The following SPHKAP variants were observed in gnomAD, a reference collection of about 807,000 sequenced individuals.
SPHKAP encodes the protein SPHK1 interactor, AKAP domain containing, also known as A-kinase anchor protein SPHKAP.
Under a neutral mutation model 137.5 loss-of-function variants are expected in SPHKAP, and 67 were observed. The ratio of observed to expected loss-of-function variants is 0.49; its 90% CI spans 0.40 to 0.60. SPHKAP has a LOEUF of 0.60. SPHKAP is among the 20% of genes least tolerant of loss of function. The pLI is 0.00. For missense variants in SPHKAP, 2,097 were observed against 2,069.3 expected (o/e 1.01, Z -0.26); for synonymous variants, 813 against 785.3 (o/e 1.04, Z -0.59).
chr2:228,154,508 CTCTCTA>C (rs1177832031), intron 1 of SPHKAP, among the ~76,000 whole-genome samples: 51 of 34,574 alleles, frequency 1.5e-3, no homozygotes, highest in African/African-American at 4.9e-3. Context: ...CTCTCTCTCT[CTCTCTA>C]TATATATATA....
intron 3 of SPHKAP, among the ~76,000 whole-genome samples, chr2:228,063,473 T>A (rs7603953): frequency 0.36 from 54,343 of 152,094 alleles, 9,977 homozygotes; most frequent in South Asian, 0.5. Context: ...ACTAACAAAC[T>A]ATAGAGTGGC....
At chr2:228,047,482 A>C (rs1048428191) in intron 3 of SPHKAP, among the ~76,000 whole-genome samples, 2 of 151,748 alleles carry the variant, frequency 1.3e-5, no homozygotes, top group Admixed American at 1.3e-4. Context: ...AAAAAAAAAA[A>C]CAAAAAACAA....
chr2:228,082,956 C>T (rs947514904), intron 3 of SPHKAP, among the ~76,000 whole-genome samples: 1 of 152,078 alleles, frequency 6.6e-6, no homozygotes, highest in African/African-American at 2.4e-5. Flanking sequence ...AGTGCACCAC[C>T]CTCCACCTCT....
intron 7 of SPHKAP, among the ~76,000 whole-genome samples, chr2:228,002,532 A>G (rs1460540254): frequency 1.3e-5 from 2 of 152,018 alleles, no homozygotes; most frequent in Non-Finnish European, 2.9e-5. Context: ...GTTCACTCTG[A>G]TGGTAGTTTC....
chr2:227,997,624 C>T (rs1223549619), intron 7 of SPHKAP, among the ~76,000 whole-genome samples: 2 of 152,122 alleles, frequency 1.3e-5, no homozygotes, highest in Admixed American at 6.5e-5. Flanking sequence ...CTTTGCTTCT[C>T]ACTACCCCTC....
chr2:228,021,603 CTG>C (rs1471951174), intron 6 of SPHKAP, 106 bp downstream of exon 6: 4 of 1,312,162 alleles, frequency 3.0e-6, no homozygotes, highest in East Asian at 2.3e-5. Flanking sequence ...CAAGTAAAGA[CTG>C]TGATGTGTCA....
chr2:228,037,964 G>A (rs1167686021), intron 3 of SPHKAP, among the ~76,000 whole-genome samples: 1 of 152,188 alleles, frequency 6.6e-6, no homozygotes, highest in East Asian at 1.9e-4. Flanking sequence ...AACCACTAAT[G>A]CTGAAGTCCA....
At chr2:228,179,451 TAG>T (rs1481756619) in intron 1 of SPHKAP, among the ~76,000 whole-genome samples, 2 of 152,208 alleles carry the variant, frequency 1.3e-5, no homozygotes, top group African/African-American at 4.8e-5. Flanking sequence ...TTAAGTCTTA[TAG>T]AAAAGGAATG....
Position 228,128,476 on chromosome 2 carries a change from A to G in SPHKAP, c.138+3504T>C, listed in dbSNP as rs138036050. ...ATTGAACCCTTCAGTCATTCATGAG[A>G]GTTGGAATCAACTTTCAAACTCATG... On this transcript the variant is annotated intron_variant, in intron 2 of 11. Coordinates refer to ENST00000392056, the MANE Select transcript of SPHKAP (RefSeq NM_001142644.2). 1.9e-3 allele frequency among the ~76,000 whole-genome samples: 296 copies of G among 152,198 alleles called. 2 individuals are homozygous for G. Among genetic ancestry groups the G allele is most frequent in the African/African-American group, 6.9e-3 (286 of 41,542 alleles).
Position 228,025,410 on chromosome 2 carries a change from T to A in SPHKAP, c.425A>T (p.Asp142Val). Residue 142 changes from aspartate to valine, a missense_variant, in exon 5 of 12, where the codon GAT becomes GTT. Transcript: ENST00000392056. The stretch of plus-strand genomic sequence containing the variant: ...ATGTCTTACCTGTGAAACTTCAAAA[T>A]CTGCCTGGAGATTTCCAGAGGCTAA... ...SGLASGNLQADFEVSQCPWLP... is the reference protein window; with the variant it reads ...SGLASGNLQAVFEVSQCPWLP... The A allele has an allele frequency of 6.2e-7, 1 of 1,613,784 alleles. No individual in the cohort carries two copies. The highest frequency in any genetic ancestry group is 8.5e-7 in the Non-Finnish European group (1 of 1,179,868).
chr2:228,043,139 T>G lies in SPHKAP; in HGVS notation c.247-15596A>C, dbSNP rs562182853. On this transcript the variant is annotated intron_variant, in intron 3 of 11. Coordinates refer to ENST00000392056, the MANE Select transcript of SPHKAP (RefSeq NM_001142644.2). ...ATAATGCTGAGAGAACTTATAGACC[T>G]GCAGACAACAGATCCTTTATTATTA... 3.9e-5 allele frequency among the ~76,000 whole-genome samples: 6 copies of G among 152,324 alleles called. No homozygotes were observed. The South Asian group carries it at 1.2e-3, about 32-fold the overall frequency.
At chr2:228,136,077 G>T (rs72617139) in intron 1 of SPHKAP, among the ~76,000 whole-genome samples, 5,864 of 152,232 alleles carry the variant, frequency 0.039, 532 homozygotes, top group East Asian at 0.3. Context: ...AACATTTGCT[G>T]TTACAGGATG....
At chr2:228,095,504 G>T (rs1384082820) in intron 3 of SPHKAP, among the ~76,000 whole-genome samples, 11 of 152,108 alleles carry the variant, frequency 7.2e-5, no homozygotes, top group Non-Finnish European at 1.5e-5. Context: ...AAGCTGTGTG[G>T]GGGTGTGAGT....
chr2:228,001,260 C>CATATATATAAATATATCTAT (rs199962441), intron 7 of SPHKAP, among the ~76,000 whole-genome samples: 1 of 134,164 alleles, frequency 7.5e-6, no homozygotes, highest in Non-Finnish European at 1.6e-5. Context: ...CACACACACA[C>CATATATATAAATATATCTAT]ACATATATAA....
intron 3 of SPHKAP, among the ~76,000 whole-genome samples, chr2:228,050,663 G>T (rs777780652): frequency 6.6e-6 from 1 of 152,024 alleles, no homozygotes; most frequent in Non-Finnish European, 1.5e-5. Context: ...TTCCTCTAGC[G>T]ATTTTGAAGT....
chr2:228,092,137 G>GGTATATA, intron 3 of SPHKAP, among the ~76,000 whole-genome samples: 1 of 141,140 alleles, frequency 7.1e-6, no homozygotes, highest in Middle Eastern at 4.2e-3. Flanking sequence ...GTATATGTGT[G>GGTATATA]TACACATATA....
chr2:228,140,772 G>A (rs541852506), intron 1 of SPHKAP, among the ~76,000 whole-genome samples: 16 of 152,108 alleles, frequency 1.1e-4, no homozygotes, highest in South Asian at 8.3e-4. Flanking sequence ...CTGACTTTTC[G>A]TGAGATCTGG....
At chr2:228,024,179 G>T (rs1399824483) in intron 5 of SPHKAP, among the ~76,000 whole-genome samples, 1 of 152,074 alleles carries the variant, frequency 6.6e-6, no homozygotes, top group African/African-American at 2.4e-5. Flanking sequence ...GTTAAATTAA[G>T]AATCCTAACT....
chr2:228,062,031 A>T (rs1696656451), intron 3 of SPHKAP, among the ~76,000 whole-genome samples: 1 of 152,164 alleles, frequency 6.6e-6, no homozygotes, highest in South Asian at 2.1e-4. Flanking sequence ...AGCAAAATCA[A>T]GGTAATATGA....
Sources: allele counts gnomAD v4.1 joint callset (sites outside exome capture counted in the v4.1 genomes callset), GRCh38; gene constraint gnomAD v4.1.1; transcripts MANE v1.5; gene names NCBI Gene and HGNC (gene_info 2026-07-23, HGNC 2026-07-21).